DST: variants seen among roughly 807,000 people sequenced by gnomAD.
DST encodes the protein dystonin.
DST carries 253 observed loss-of-function variants against 875.2 expected under a neutral mutation model. The observed-to-expected ratio is 0.29, with a 90% CI of 0.26 to 0.32. The LOEUF (loss-of-function observed/expected upper bound fraction) is 0.32. DST is among the 10% of genes least tolerant of loss of function. The probability of loss-of-function intolerance (pLI) is 1.00; values close to 1 mark genes in which losing one functional copy is unlikely to be tolerated. For synonymous variants in DST, 3,124 were observed against 3,197.1 expected (o/e 0.98, Z 0.77); for missense variants, 8,287 against 9,111.6 (o/e 0.91, Z 3.68).
At chr6:56,731,646 C>G (rs576777887) in intron 5 of DST, among the ~76,000 whole-genome samples, 1 of 152,218 alleles carries the variant, frequency 6.6e-6, no homozygotes, top group Admixed American at 6.5e-5. Flanking sequence ...GCTCCTGATT[C>G]TTTTTAATGT....
At chr6:56,825,891 T>A (rs1397507254) in intron 4 of DST, among the ~76,000 whole-genome samples, 2 of 152,240 alleles carry the variant, frequency 1.3e-5, no homozygotes, top group African/African-American at 2.4e-5. Context: ...CCATGCTGGT[T>A]TTCCCCAACA....
chr6:56,490,052 G>A (rs1055225799), intron 85 of DST, among the ~76,000 whole-genome samples: 5 of 152,114 alleles, frequency 3.3e-5, no homozygotes, highest in Non-Finnish European at 7.4e-5. Flanking sequence ...AACAAAAATG[G>A]GGAGGGGTAA....
In DST at chr6:56,642,632, C is replaced by T; in HGVS notation, c.1779-129G>A. 2 of 1,614,120 alleles carry T rather than the reference C, an allele frequency of 1.2e-6. No individual in the cohort carries two copies. The highest frequency in any genetic ancestry group is 1.7e-6 in the Non-Finnish European group (2 of 1,180,004). ...CCAATGATTCAATACCTGTGTCCATCAAAGGATTCACTGCCGAAGCTAATG... is the reference window on the plus strand; with the variant it reads ...CCAATGATTCAATACCTGTGTCCATTAAAGGATTCACTGCCGAAGCTAATG... On this transcript the variant is annotated intron_variant, in intron 15 of 103. Transcript: ENST00000680361.
chr6:56,882,576 C>A (rs1782718496), intron 3 of DST, among the ~76,000 whole-genome samples: 1 of 152,162 alleles, frequency 6.6e-6, no homozygotes, highest in South Asian at 2.1e-4. Flanking sequence ...GTATAAGCAG[C>A]AAAATGAAAG....
In DST at chr6:56,811,183, CAAAAAAAA is replaced by C. The variant is rs371256050; in HGVS notation, c.625+40206_625+40213del. The stretch of plus-strand genomic sequence containing the variant: ...TAGGCGACAGAGCAAGACCCTGTCT[CAAAAAAAA>C]AAAAAAAAAAAAAAAAAAAAGGTAG... On this transcript the variant is annotated intron_variant, in intron 4 of 103. Transcript: ENST00000680361. 1.8e-3 allele frequency among the ~76,000 whole-genome samples: 59 copies of C among 33,364 alleles called. 1 individual carries two copies. Among genetic ancestry groups the C allele is most frequent in the African/African-American group, 6.3e-3 (54 of 8,566 alleles). The allele number at this position is 33,364 out of a possible 152,430, so 21.9% of individuals were successfully genotyped here.
In DST at chr6:56,532,393, T is replaced by C. The variant is rs776714672; in HGVS notation, c.17059A>G (p.Ser5687Gly). 4 of 1,613,746 alleles carry C rather than the reference T, an allele frequency of 2.5e-6. No homozygotes were observed. The South Asian group carries it at 3.3e-5, about 13-fold the overall frequency. Residue 5687 changes from serine (S) to glycine (G), a missense_variant, in exon 64 of 104, where the codon AGT becomes GGT. Coordinates refer to ENST00000680361, the MANE Select transcript of DST (RefSeq NM_001374736.1). ...ADKVKILKQL[S>G]LLDSRWEALL... ...GCCTCCCATCTGCTATCCAAGAGAC[T>C]GAGCTGTTTCAAAATCTTCACTTTA... is the stretch of plus-strand genomic sequence containing the variant.
intron 5 of DST, among the ~76,000 whole-genome samples, chr6:56,718,156 T>C (rs540889101): frequency 7.2e-5 from 11 of 152,156 alleles, no homozygotes; most frequent in African/African-American, 2.2e-4. Flanking sequence ...TGGTGGAAGT[T>C]TGAGGCTGCA....
intron 3 of DST, among the ~76,000 whole-genome samples, chr6:56,895,094 G>A (rs1790502106): frequency 1.0e-5 from 1 of 98,272 alleles, no homozygotes; most frequent in Non-Finnish European, 2.0e-5. Context: ...TCACTTCCCA[G>A]TAGGGGCGGC....
rs763709420 is a variant in DST, at chr6:56,593,760, T to C, written c.12629A>G (p.Lys4210Arg). The C allele has an allele frequency of 1.9e-6, 3 of 1,613,978 alleles. No individual in the cohort carries two copies. Among genetic ancestry groups the C allele is most frequent in the Non-Finnish European group, 2.5e-6 (3 of 1,179,866 alleles). The change falls in exon 48 of 104, where the codon AAG becomes AGG. Residue 4210 changes from lysine to arginine, a missense_variant. Coordinates refer to ENST00000680361, the MANE Select transcript of DST (RefSeq NM_001374736.1). ...AGTATCAACCTTGCCACCGTCTCTC[T>C]TGCTGCAAGATTTGGCAGCTTCCAA... ...RVLEAAKSCSKRDGGKVDTSA... is the reference protein window; with the variant it reads ...RVLEAAKSCSRRDGGKVDTSA...
intron 3 of DST, among the ~76,000 whole-genome samples, chr6:56,886,724 G>A (rs187712267): frequency 8.9e-4 from 132 of 148,680 alleles, no homozygotes; most frequent in Admixed American, 1.7e-3. Context: ...GCGGTGAGCC[G>A]GAGATCGTGC....
At chr6:56,843,624 G>T in intron 4 of DST, 1 of 984,164 alleles carries the variant, frequency 1.0e-6, no homozygotes. Flanking sequence ...TGCCTTCACC[G>T]GGGATGCTGC....
Position 56,497,384 on chromosome 6 carries a change from G to A in DST, c.20218C>T (p.His6740Tyr). 6.2e-7 allele frequency: 1 copy of A among 1,612,740 alleles called. No individual in the cohort carries two copies. The change falls in exon 82 of 104, where the codon CAT becomes TAT. Residue 6740 changes from histidine (H) to tyrosine (Y), a missense_variant. Around this residue, in one of 10 missense-constraint regions of DST, gnomAD observed 1,292 missense variants for 1,552.7 expected, o/e 0.83. Coordinates refer to ENST00000680361, the MANE Select transcript of DST (RefSeq NM_001374736.1). ...GTAGGAAATACTTTGCTTACCATAT[G>A]GACATTAAGCTGCTCCTTGGCTGTT... ...PETAKEQLNV[H>Y]MEVCAAFEAK...
chr6:56,893,232 A>G (rs1344934000), intron 3 of DST, among the ~76,000 whole-genome samples: 1 of 151,686 alleles, frequency 6.6e-6, no homozygotes, highest in Non-Finnish European at 1.5e-5. Context: ...TAGCTCCCAC[A>G]TGTCAGTGAG....
Position 56,603,196 on chromosome 6 carries a change from T to A in DST, c.11157+9A>T. The A allele has an allele frequency of 2.5e-6, 4 of 1,585,634 alleles. No individual in the cohort carries two copies. Among genetic ancestry groups the A allele is most frequent in the Non-Finnish European group, 3.4e-6 (4 of 1,165,566 alleles). On this transcript the variant is annotated intron_variant, in intron 42 of 103. Transcript: ENST00000680361. Reference sequence around the variant, plus strand: ...TTCATAAATCAAAATTTTGACATTTTATGCCTACCATTTCAGAGTCGATCG... The same window carrying A: ...TTCATAAATCAAAATTTTGACATTTAATGCCTACCATTTCAGAGTCGATCG...
intron 55 of DST, among the ~76,000 whole-genome samples, chr6:56,565,675 T>C (rs1414063982): frequency 6.6e-6 from 1 of 152,142 alleles, no homozygotes; most frequent in Non-Finnish European, 1.5e-5. Context: ...GGCACAGGCG[T>C]CAGGAACCCA....
intron 4 of DST, among the ~76,000 whole-genome samples, chr6:56,831,509 T>G (rs139732507): frequency 0.011 from 1,718 of 152,012 alleles, 25 homozygotes; most frequent in Admixed American, 0.024. Flanking sequence ...CTGCCTTCCT[T>G]CAAATGCCAG....
intron 36 of DST, among the ~76,000 whole-genome samples, chr6:56,623,128 A>G (rs2098705300): frequency 6.6e-6 from 1 of 152,194 alleles, no homozygotes; most frequent in Admixed American, 6.5e-5. Context: ...ATTAACTACA[A>G]ATCTTTGACA....
At chr6:56,501,806 G>T in intron 78 of DST, 113 bp from the exon 79 acceptor site, 1 of 702,322 alleles carries the variant, frequency 1.4e-6, no homozygotes, top group Non-Finnish European at 2.1e-6. Flanking sequence ...GAGGGGAGGT[G>T]ACGCAAAGTA....
At chr6:56,939,914 T>C (rs1281113076) in intron 2 of DST, among the ~76,000 whole-genome samples, 5 of 151,838 alleles carry the variant, frequency 3.3e-5, no homozygotes, top group Admixed American at 3.3e-4. Context: ...TAATCCCACC[T>C]ACTCAGGAGG....
Sources: gnomAD v4.1 joint callset for allele counts (sites outside exome capture counted in the v4.1 genomes callset) on GRCh38, gnomAD v4.1.1 for gene constraint, gnomAD v4.1.1 regional missense constraint, MANE v1.5 for transcripts, NCBI Gene and HGNC (gene_info 2026-07-23, HGNC 2026-07-21) for gene names.